The following MRPS31 variants were observed in gnomAD, a reference collection of about 807,000 sequenced individuals.
MRPS31 encodes small ribosomal subunit protein mS31.
A neutral mutation model predicts 43.1 loss-of-function variants in MRPS31; 32 were observed. That is an observed-to-expected ratio of 0.74 (90% CI 0.56 to 1.00). MRPS31 has a LOEUF of 1.00. Among genes scored for constraint, MRPS31 ranks in the 50% least tolerant of loss-of-function variants. The pLI is 0.00. For synonymous variants in MRPS31, 165 were observed against 161.6 expected, an observed-to-expected ratio of 1.02 and a Z score of -0.16; for missense variants, 437 against 466.7, an observed-to-expected ratio of 0.94 and a Z score of 0.59.
At chr13:40,764,465 A>G (rs888000386) in intron 2 of MRPS31, among the ~76,000 whole-genome samples, 1 of 152,186 alleles carries the variant, frequency 6.6e-6, no homozygotes, top group East Asian at 1.9e-4. Context: ...CAATGACATT[A>G]TATCTTTGTC....
Position 40,761,314 on chromosome 13 carries a change from AT to A in MRPS31, c.441-2209del, listed in dbSNP as rs565866116. Among the ~76,000 whole-genome samples the A allele has an allele frequency of 4.3e-3, 654 of 152,208 alleles. 5 individuals are homozygous for A. Among genetic ancestry groups the A allele is most frequent in the Non-Finnish European group, 6.7e-3 (454 of 67,994 alleles). On this transcript the variant is annotated intron_variant, in intron 2 of 6. Coordinates refer to ENST00000323563, the MANE Select transcript of MRPS31 (RefSeq NM_005830.4). ...ATAGAGAAATATAAGTTAAAATAAA[AT>A]GTGCTTTTAAAACTTATCTGTGAAT...
At chr13:40,731,111 A>G in intron 6 of MRPS31, 1 of 152,106 alleles carries the variant, frequency 6.6e-6, no homozygotes, top group Non-Finnish European at 1.5e-5. Flanking sequence ...AAAATTAGCC[A>G]GGTGTGGTGG....
rs1879588395 is a variant in MRPS31 at position 40,729,171 on chromosome 13, C to A, written c.*201G>T. 5.0e-6 allele frequency: 2 copies of A among 396,530 alleles called. No homozygotes were observed. The highest frequency in any genetic ancestry group is 9.0e-6 in the Non-Finnish European group (2 of 221,900). The allele number at this position is 396,530 out of a possible 1,614,324, so 24.6% of individuals were successfully genotyped here. Reference sequence around the variant, plus strand: ...AATGTATTACTAATTCCCAGATATTCTTTTGAACCTATGAATACTGATGAT... The same window carrying A: ...AATGTATTACTAATTCCCAGATATTATTTTGAACCTATGAATACTGATGAT... On this transcript the variant is annotated 3_prime_UTR_variant, in exon 7 of 7. Transcript: ENST00000323563.
Position 40,758,989 on chromosome 13 carries a change from T to C in MRPS31, c.558A>G (p.Glu186=), listed in dbSNP as rs202016797. The C allele has an allele frequency of 2.5e-6, 4 of 1,608,212 alleles. No individual in the cohort carries two copies. The East Asian group carries it at 6.7e-5, about 27-fold the overall frequency. ...TTGCATCTCTCTGTGCCCTTGACTC[T>C]TCCTCATGCTGCTGGAGCTGGCTCA... is the stretch of plus-strand genomic sequence containing the variant. ...ELLSQLQQHE[E]ESRAQRDAKR... is the part of the protein sequence containing the mutation. The change falls in exon 3 of 7, where the codon GAA becomes GAG. Residue 186 remains glutamate (E), a synonymous_variant. Transcript: ENST00000323563.
rs12430415 is a variant in MRPS31 at position 40,756,837 on chromosome 13, C to T, written c.740+36G>A. On this transcript the variant is annotated intron_variant, in intron 4 of 6. Coordinates refer to ENST00000323563, the MANE Select transcript of MRPS31 (RefSeq NM_005830.4). ...CTACAGTTAAGGTAAAAACAAACTA[C>T]ACAAACAAAACCCAGCAGATTACAA... 5.6e-3 allele frequency: 9,050 copies of T among 1,607,584 alleles called. 123 individuals are homozygous for T. The highest frequency in any genetic ancestry group is 0.054 in the Admixed American group (3,102 of 57,914).
At chr13:40,766,694 A>G in intron 2 of MRPS31, 52 bp downstream of exon 2, 1 of 1,507,852 alleles carries the variant, frequency 6.6e-7, no homozygotes, top group South Asian at 1.3e-5. Context: ...TTTTACCAAA[A>G]CAAAAAGCTT....
Position 40,731,553 on chromosome 13 carries a change from G to A in MRPS31, c.959-1952C>T, listed in dbSNP as rs184230978. ...GCTGAGATTGCGTCACTGCACTCCA[G>A]CCTGGGCAACAAAGTGAGACTCTGT... On this transcript the variant is annotated intron_variant, in intron 6 of 6. Coordinates refer to ENST00000323563, the MANE Select transcript of MRPS31 (RefSeq NM_005830.4). Among the ~76,000 whole-genome samples, 396 of 149,852 alleles carry A rather than the reference G, an allele frequency of 2.6e-3. 2 individuals carry two copies. The highest frequency in any genetic ancestry group is 8.6e-3 in the African/African-American group (349 of 40,714).
intron 3 of MRPS31, among the ~76,000 whole-genome samples, chr13:40,758,148 A>AG: frequency 6.6e-6 from 1 of 151,970 alleles, no homozygotes; most frequent in South Asian, 2.1e-4. Flanking sequence ...GTCTCAAAAA[A>AG]AAAAAAAAAA....
chr13:40,735,295 C>T (rs1366215686), intron 6 of MRPS31, among the ~76,000 whole-genome samples: 2 of 152,188 alleles, frequency 1.3e-5, no homozygotes, highest in African/African-American at 2.4e-5. Flanking sequence ...CACGGAGTCT[C>T]GCTGATTGCT....
Position 40,731,307 on chromosome 13 carries a change from C to T in MRPS31, c.959-1706G>A, listed in dbSNP as rs148710105. ...ACAGAGGAGGCCGGGTGTGGTGGCT[C>T]ATGCCTGTAATCCCAACACTGTGGG... On this transcript the variant is annotated intron_variant, in intron 6 of 6. Transcript: ENST00000323563. 617 of 154,492 alleles carry T rather than the reference C, an allele frequency of 4.0e-3. 6 individuals are homozygous for T. The highest frequency in any genetic ancestry group is 0.014 in the African/African-American group (573 of 40,100). 9.6% of individuals were successfully genotyped at this position (154,492 alleles called of 1,614,324 possible). A position where few individuals can be genotyped will look rare whatever the true frequency, so the allele number is the denominator to read the frequency against.
chr13:40,751,781 T>C (rs1226809475), intron 5 of MRPS31, among the ~76,000 whole-genome samples: 1 of 152,218 alleles, frequency 6.6e-6, no homozygotes, highest in African/African-American at 2.4e-5. Context: ...CATGCAAGTA[T>C]AGCATATTTA....
At chr13:40,748,769 A>G (rs1233632420) in intron 6 of MRPS31, among the ~76,000 whole-genome samples, 1 of 152,212 alleles carries the variant, frequency 6.6e-6, no homozygotes, top group Non-Finnish European at 1.5e-5. Flanking sequence ...AAGAGTTGTA[A>G]TGTTCTCCAA....
chr13:40,751,220 C>A (rs1327410134), intron 5 of MRPS31, among the ~76,000 whole-genome samples: 1 of 152,162 alleles, frequency 6.6e-6, no homozygotes, highest in Non-Finnish European at 1.5e-5. Context: ...TCAAAAATAA[C>A]TTAATTGTCT....
intron 1 of MRPS31, among the ~76,000 whole-genome samples, chr13:40,769,338 G>A (rs1389916282): frequency 7.5e-6 from 1 of 133,530 alleles, no homozygotes; most frequent in African/African-American, 2.7e-5. Context: ...ATCACACACT[G>A]CACTCCAGCC....
intron 1 of MRPS31, among the ~76,000 whole-genome samples, chr13:40,768,030 GA>G (rs889546502): frequency 1.8e-4 from 27 of 152,150 alleles, no homozygotes; most frequent in Non-Finnish European, 3.7e-4. Flanking sequence ...ATACATTTAT[GA>G]AAAAGAACAA....
rs984061365 is a variant in MRPS31 at position 40,737,323 on chromosome 13, C to G, written c.959-7722G>C. On this transcript the variant is annotated intron_variant, in intron 6 of 6. Transcript: ENST00000323563. The stretch of plus-strand genomic sequence containing the variant: ...TACAAAGAGACTTAAGACTCCCACA[C>G]ATTAATAATGGGAGACTTTAACACC... Among the ~76,000 whole-genome samples, 14 of 152,088 alleles carry G rather than the reference C, an allele frequency of 9.2e-5. 1 individual carries two copies. The highest frequency in any genetic ancestry group is 3.4e-4 in the African/African-American group (14 of 41,410).
intron 2 of MRPS31, 65 bp downstream of exon 2, chr13:40,766,681 A>AT (rs1347996885): frequency 1.4e-6 from 2 of 1,436,174 alleles, no homozygotes; most frequent in African/African-American, 2.9e-5. Flanking sequence ...TATTAAAAAT[A>AT]TTTTTTACCA....
intron 3 of MRPS31, among the ~76,000 whole-genome samples, chr13:40,757,933 G>C (rs1031111214): frequency 1.3e-5 from 2 of 150,356 alleles, no homozygotes; most frequent in African/African-American, 2.4e-5. Flanking sequence ...ACAAGGTCAG[G>C]AGATCCAGAC....
At chr13:40,731,825 A>C (rs1189092596) in intron 6 of MRPS31, among the ~76,000 whole-genome samples, 2 of 152,174 alleles carry the variant, frequency 1.3e-5, no homozygotes, top group Non-Finnish European at 2.9e-5. Context: ...AATTTTTTTC[A>C]AAGTATAACT....
Sources: gnomAD v4.1 joint callset for allele counts (sites outside exome capture counted in the v4.1 genomes callset) on GRCh38, gnomAD v4.1.1 for gene constraint, MANE v1.5 for transcripts, NCBI Gene and HGNC (gene_info 2026-07-23, HGNC 2026-07-21) for gene names.